WWOX: variants seen among roughly 807,000 people sequenced by gnomAD.
WWOX encodes the protein WW domain-containing oxidoreductase.
A neutral mutation model predicts 46.2 loss-of-function variants in WWOX; 69 were observed. The observed-to-expected ratio is 1.49, with a 90% CI of 1.23 to 1.82. The LOEUF is 1.82. Among genes scored for constraint, WWOX ranks in the 40% most tolerant of loss-of-function variants. The pLI is 0.00. For missense variants in WWOX, 919 were observed against 542.6 expected (o/e 1.69, Z -6.89); for synonymous variants, 359 against 202.6 (o/e 1.77, Z -6.56).
intron 5 of WWOX, among the ~76,000 whole-genome samples, chr16:78,310,295 G>A (rs961789074): frequency 6.6e-6 from 1 of 152,154 alleles, no homozygotes; most frequent in Non-Finnish European, 1.5e-5. Context: ...GTGTGCTTCT[G>A]GGCTTTGTCT....
chr16:78,731,556 C>T (rs933282929), intron 8 of WWOX, among the ~76,000 whole-genome samples: 10 of 151,726 alleles, frequency 6.6e-5, no homozygotes, highest in Non-Finnish European at 1.5e-4. Context: ...CCTTTCTTAC[C>T]TTCTTTATTT....
At chr16:78,812,524 C>G (rs1019073758) in intron 8 of WWOX, among the ~76,000 whole-genome samples, 49 of 152,118 alleles carry the variant, frequency 3.2e-4, no homozygotes, top group African/African-American at 1.2e-3. Flanking sequence ...GAGTTCGAGA[C>G]CAGCCTGGCC....
intron 8 of WWOX, among the ~76,000 whole-genome samples, chr16:78,959,098 C>T (rs571624047): frequency 1.4e-4 from 21 of 152,246 alleles, no homozygotes; most frequent in African/African-American, 4.8e-4. Context: ...ATTAGTAAGA[C>T]CATCTTCCAA....
At chr16:78,099,968 C>G (rs1447727057) in intron 1 of WWOX, 83 bp downstream of exon 1, 15 of 1,520,704 alleles carry the variant, frequency 9.9e-6, no homozygotes, top group Non-Finnish European at 1.3e-5. Flanking sequence ...AGGACGCGCA[C>G]TCCAGCGCAG....
chr16:78,345,639 CAAAAAA>C lies in WWOX; in HGVS notation c.517-41202_517-41197del, dbSNP rs1193432164. Among the ~76,000 whole-genome samples the C allele has an allele frequency of 2.4e-4, 6 of 25,020 alleles. 1 individual carries two copies. Among genetic ancestry groups the C allele is most frequent in the African/African-American group, 5.6e-4 (5 of 8,864 alleles). The allele number at this position is 25,020 out of a possible 152,430, so 16.4% of individuals were successfully genotyped here. A position where few individuals can be genotyped will look rare whatever the true frequency, so the allele number is the denominator to read the frequency against. ...TGGGTGGCAGAGCAAGACCCTGTCTCAAAAAAAAAAAAAAAAAAAAAAAAGTAAAAT... is the reference window on the plus strand; with the variant it reads ...TGGGTGGCAGAGCAAGACCCTGTCTCAAAAAAAAAAAAAAAAAAGTAAAAT... On this transcript the variant is annotated intron_variant, in intron 5 of 8. Coordinates refer to ENST00000566780, the MANE Select transcript of WWOX (RefSeq NM_016373.4).
rs2082979134 is a variant in WWOX, at chr16:78,422,838, TACATATACACACACACACACACAC to T, written c.606-2028_606-2005del. ...ATATATACACACACATATATATATA[TACATATACACACACACACACACAC>T]ACACACACACACACACACACACATA... On this transcript the variant is annotated intron_variant, in intron 6 of 8. Transcript: ENST00000566780. Among the ~76,000 whole-genome samples, 15 of 96,466 alleles carry T rather than the reference TACATATACACACACACACACACAC, an allele frequency of 1.6e-4. 1 individual carries two copies. The highest frequency in any genetic ancestry group is 7.3e-4 in the African/African-American group (14 of 19,158). 63.3% of individuals were successfully genotyped at this position (96,466 alleles called of 152,430 possible). A position where few individuals can be genotyped will look rare whatever the true frequency, so the allele number is the denominator to read the frequency against.
intron 8 of WWOX, among the ~76,000 whole-genome samples, chr16:78,767,010 C>A (rs904836042): frequency 6.6e-5 from 10 of 152,240 alleles, no homozygotes; most frequent in Admixed American, 6.5e-4. Flanking sequence ...TTTTCAAGGT[C>A]AATCCATATT....
At chr16:78,649,099 A>G (rs2046908739) in intron 8 of WWOX, among the ~76,000 whole-genome samples, 1 of 151,912 alleles carries the variant, frequency 6.6e-6, no homozygotes, top group African/African-American at 2.4e-5. Context: ...TCAGTCTCCC[A>G]AGTAGCTGAG....
At chr16:79,190,144 C>T (rs1418826514) in intron 8 of WWOX, among the ~76,000 whole-genome samples, 1 of 152,094 alleles carries the variant, frequency 6.6e-6, no homozygotes, top group African/African-American at 2.4e-5. Context: ...TCTGCCTCAG[C>T]CTCCCGAGTA....
At chr16:78,308,751 A>G (rs2080179724) in intron 5 of WWOX, among the ~76,000 whole-genome samples, 2 of 152,182 alleles carry the variant, frequency 1.3e-5, no homozygotes, top group African/African-American at 4.8e-5. Context: ...TGGAGGCTTC[A>G]TCTGCATCAT....
At chr16:78,515,580 G>A (rs986781853) in intron 8 of WWOX, among the ~76,000 whole-genome samples, 2 of 152,172 alleles carry the variant, frequency 1.3e-5, no homozygotes, top group Non-Finnish European at 2.9e-5. Flanking sequence ...AACCATCCGG[G>A]CATCACATAG....
chr16:78,862,575 A>C (rs1356854320), intron 8 of WWOX, among the ~76,000 whole-genome samples: 3 of 152,146 alleles, frequency 2.0e-5, no homozygotes, highest in African/African-American at 7.2e-5. Context: ...AGACTGAGAC[A>C]TCGAAACCCA....
chr16:78,297,171 C>T (rs1252349167), intron 5 of WWOX, among the ~76,000 whole-genome samples: 1 of 152,148 alleles, frequency 6.6e-6, no homozygotes, highest in Non-Finnish European at 1.5e-5. Context: ...CACTCCTAGT[C>T]ACAAGACCTT....
At chr16:78,891,262 T>G (rs1296719277) in intron 8 of WWOX, 1 of 152,200 alleles carries the variant, frequency 6.6e-6, no homozygotes. Flanking sequence ...GGATTGTTGA[T>G]CTGTAAATCT....
rs1225728220 is a variant in WWOX at position 79,182,211 on chromosome 16, C to T, written c.1057-29397C>T. 2.0e-5 allele frequency among the ~76,000 whole-genome samples: 3 copies of T among 152,062 alleles called. No homozygotes were observed. The East Asian group carries it at 5.8e-4, about 29-fold the overall frequency. ...TCAGGTCATGCCCTGTGTCACCTGACTCAGGCACCATTAGCATCTGGGGCT... is the reference window on the plus strand; with the variant it reads ...TCAGGTCATGCCCTGTGTCACCTGATTCAGGCACCATTAGCATCTGGGGCT... On this transcript the variant is annotated intron_variant, in intron 8 of 8. Transcript: ENST00000566780.
chr16:78,156,554 C>G (rs76632974), intron 4 of WWOX, among the ~76,000 whole-genome samples: 2 of 152,110 alleles, frequency 1.3e-5, no homozygotes, highest in Non-Finnish European at 2.9e-5. Context: ...TTATTGAATC[C>G]TACTGGGTGC....
intron 5 of WWOX, among the ~76,000 whole-genome samples, chr16:78,184,702 T>TA: frequency 6.6e-6 from 1 of 152,204 alleles, no homozygotes; most frequent in Non-Finnish European, 1.5e-5. Flanking sequence ...GTTCCACTGT[T>TA]ACAGTTTTTA....
intron 8 of WWOX, among the ~76,000 whole-genome samples, chr16:78,957,813 C>A (rs1259399278): frequency 1.3e-5 from 2 of 152,138 alleles, no homozygotes; most frequent in African/African-American, 4.8e-5. Context: ...TCAAAGCTGT[C>A]CCTGCGCTGG....
intron 5 of WWOX, among the ~76,000 whole-genome samples, chr16:78,220,216 C>T (rs992057715): frequency 2.0e-5 from 3 of 152,152 alleles, no homozygotes; most frequent in Non-Finnish European, 4.4e-5. Context: ...GTTTCTTTGG[C>T]CTCCCATGTG....
Sources: gnomAD v4.1 joint callset for allele counts (sites outside exome capture counted in the v4.1 genomes callset) on GRCh38, gnomAD v4.1.1 for gene constraint, MANE v1.5 for transcripts, NCBI Gene and HGNC (gene_info 2026-07-23, HGNC 2026-07-21) for gene names.